Variants in FAM184A observed in about 807,000 individuals in gnomAD.
FAM184A encodes family with sequence similarity 184 member A.
Under a neutral mutation model 143.8 loss-of-function variants are expected in FAM184A, and 99 were observed. The observed-to-expected ratio is 0.69, with a 90% CI of 0.58 to 0.81. FAM184A has a LOEUF of 0.81. Ranked by LOEUF, FAM184A falls within the 40% of genes least tolerant of loss-of-function variation. FAM184A has a pLI of 0.00. For missense variants in FAM184A, 1,217 were observed against 1,310.5 expected, an observed-to-expected ratio of 0.93 and a Z score of 1.10; for synonymous variants, 427 against 446.4, an observed-to-expected ratio of 0.96 and a Z score of 0.55.
At chr6:119,027,160 C>A (rs944117743) in intron 1 of FAM184A, among the ~76,000 whole-genome samples, 1 of 152,160 alleles carries the variant, frequency 6.6e-6, no homozygotes, top group Non-Finnish European at 1.5e-5. Flanking sequence ...CCTAAAACCT[C>A]CCTCACGCCC....
chr6:118,989,746 C>A (rs1784310715), intron 9 of FAM184A, among the ~76,000 whole-genome samples: 1 of 151,708 alleles, frequency 6.6e-6, no homozygotes, highest in Non-Finnish European at 1.5e-5. Context: ...GACAACTTCT[C>A]CAGACTTCAC....
chr6:118,979,233 T>C (rs957351994), intron 11 of FAM184A, 132 bp downstream of exon 11: 2 of 795,668 alleles, frequency 2.5e-6, no homozygotes, highest in Non-Finnish European at 3.8e-6. Flanking sequence ...TCAAATAAAA[T>C]ATGCAGTACA....
intron 1 of FAM184A, among the ~76,000 whole-genome samples, chr6:119,047,052 TA>T (rs11403322): frequency 1.3e-5 from 2 of 151,900 alleles, no homozygotes; most frequent in East Asian, 1.9e-4. Context: ...AATAATCTGA[TA>T]AAAAAATGGG....
At chr6:119,095,532 A>G (rs1231456431) in intron 1 of FAM184A, among the ~76,000 whole-genome samples, 1 of 152,132 alleles carries the variant, frequency 6.6e-6, no homozygotes. Flanking sequence ...TAATATCTAG[A>G]TGAGAAATAA....
intron 1 of FAM184A, among the ~76,000 whole-genome samples, chr6:119,129,000 A>G (rs1370341840): frequency 1.3e-5 from 2 of 152,006 alleles, no homozygotes; most frequent in African/African-American, 4.8e-5. Context: ...TAGCTTCACA[A>G]TCTCCCTTAA....
At position 119,065,703 on chromosome 6, in the gene FAM184A, G is replaced by A. The variant is rs371084595; in HGVS notation, c.159+12438C>T. ...GTGCTGCCAAATTTATCTCCAAAATGTTTCTCAAATCTCCTCCTCAGATCT... is the reference window on the plus strand; with the variant it reads ...GTGCTGCCAAATTTATCTCCAAAATATTTCTCAAATCTCCTCCTCAGATCT... On this transcript the variant is annotated intron_variant, in intron 1 of 17. Coordinates refer to ENST00000338891, the MANE Select transcript of FAM184A (RefSeq NM_024581.6). Among the ~76,000 whole-genome samples the A allele has an allele frequency of 1.6e-3, 241 of 150,744 alleles. 8 individuals carry two copies. The South Asian group carries it at 0.047, about 30-fold the overall frequency.
chr6:118,988,836 A>G (rs532590947), intron 9 of FAM184A, among the ~76,000 whole-genome samples: 1 of 152,128 alleles, frequency 6.6e-6, no homozygotes, highest in African/African-American at 2.4e-5. Flanking sequence ...ATGAAAATGT[A>G]ATTTCATTTT....
intron 9 of FAM184A, among the ~76,000 whole-genome samples, chr6:119,002,153 C>T (rs1406874465): frequency 6.6e-6 from 1 of 152,130 alleles, no homozygotes; most frequent in Non-Finnish European, 1.5e-5. Context: ...TGAAATTCAT[C>T]ATGCTCACAA....
At chr6:119,037,763 G>C (rs1175477243) in intron 1 of FAM184A, among the ~76,000 whole-genome samples, 1 of 152,164 alleles carries the variant, frequency 6.6e-6, no homozygotes, top group Non-Finnish European at 1.5e-5. Context: ...ACACTGATAA[G>C]TTTCAACCTT....
intron 1 of FAM184A, among the ~76,000 whole-genome samples, chr6:119,028,696 G>A (rs942491708): frequency 6.6e-6 from 1 of 152,082 alleles, no homozygotes; most frequent in Non-Finnish European, 1.5e-5. Context: ...TATAAATGGG[G>A]GTAAACATGT....
intron 1 of FAM184A, among the ~76,000 whole-genome samples, chr6:119,096,030 C>T (rs1443527032): frequency 6.6e-6 from 1 of 152,130 alleles, no homozygotes; most frequent in African/African-American, 2.4e-5. Context: ...TTGAGCCTAT[C>T]TCATTCCACC....
chr6:119,011,533 C>G, intron 5 of FAM184A, 102 bp from the exon 6 acceptor site: 1 of 754,606 alleles, frequency 1.3e-6, no homozygotes, highest in South Asian at 1.9e-5. Flanking sequence ...TGAAACTTTG[C>G]TCTTCAAATT....
At chr6:119,037,534 C>T (rs1786158933) in intron 1 of FAM184A, among the ~76,000 whole-genome samples, 4 of 152,056 alleles carry the variant, frequency 2.6e-5, no homozygotes, top group Admixed American at 2.6e-4. Context: ...AATACAAACA[C>T]CATCAATATT....
At chr6:119,126,989 C>T (rs808037) in intron 1 of FAM184A, among the ~76,000 whole-genome samples, 10,424 of 152,196 alleles carry the variant, frequency 0.068, 394 homozygotes, top group Non-Finnish European at 0.08. Context: ...TGTTTCTTCT[C>T]CTCTCAATGT....
At chr6:119,055,835 C>T (rs1174995607) in intron 1 of FAM184A, among the ~76,000 whole-genome samples, 3 of 152,164 alleles carry the variant, frequency 2.0e-5, no homozygotes, top group Non-Finnish European at 4.4e-5. Flanking sequence ...TTCCCAAAGG[C>T]ATGCCCCTTG....
At chr6:119,130,643 GACCCT>G (rs1386921167) in intron 1 of FAM184A, among the ~76,000 whole-genome samples, 1 of 152,114 alleles carries the variant, frequency 6.6e-6, no homozygotes, top group African/African-American at 2.4e-5. Context: ...TACCCTGATG[GACCCT>G]GCTGCACTTT....
intron 3 of FAM184A, among the ~76,000 whole-genome samples, chr6:119,022,053 C>CTTTTTTTTTTGTTTTTTT (rs1785463808): frequency 1.2e-5 from 1 of 84,392 alleles, no homozygotes; most frequent in Non-Finnish European, 2.2e-5. Context: ...TTCGTTCTTT[C>CTTTTTTTTTTGTTTTTTT]TTTTTTTTTT....
At position 118,975,995 on chromosome 6, in the gene FAM184A, C is replaced by A; in HGVS notation, c.2505G>T (p.Leu835Phe). The A allele has an allele frequency of 6.2e-7, 1 of 1,613,398 alleles. No individual in the cohort carries two copies. Among genetic ancestry groups the A allele is most frequent in the Non-Finnish European group, 8.5e-7 (1 of 1,179,862 alleles). ...ATTCTTGATGATGATTATGCCGTAACAAATCAATTGCAGCTGCATGTTGAT... is the reference window on the plus strand; with the variant it reads ...ATTCTTGATGATGATTATGCCGTAAAAAATCAATTGCAGCTGCATGTTGAT... The part of the protein sequence containing the change: ...LNHQHAAAID[L>F]LRHNHHQELA... Residue 835 changes from leucine to phenylalanine, a missense_variant, in exon 12 of 18, where the codon TTG (leucine) becomes TTT (phenylalanine). Leu to Phe is a conservative substitution (Grantham distance 22, BLOSUM62 0). Transcript: ENST00000338891.
chr6:119,067,374 G>A (rs1159554464), intron 1 of FAM184A, among the ~76,000 whole-genome samples: 2 of 152,192 alleles, frequency 1.3e-5, no homozygotes, highest in Non-Finnish European at 2.9e-5. Context: ...ATAAACAGCA[G>A]GAGCTAAGAA....
Sources: gnomAD v4.1 joint callset for allele counts (sites outside exome capture counted in the v4.1 genomes callset) on GRCh38, gnomAD v4.1.1 for gene constraint, MANE v1.5 for transcripts, NCBI Gene and HGNC (gene_info 2026-07-23, HGNC 2026-07-21) for gene names.